Variants in PTAR1 observed in about 807,000 individuals in gnomAD.
PTAR1 encodes protein prenyltransferase alpha subunit repeat containing 1, also known as protein prenyltransferase alpha subunit repeat-containing protein 1.
A neutral mutation model predicts 45.5 loss-of-function variants in PTAR1; 17 were observed. The observed-to-expected ratio is 0.37, with a 90% CI of 0.26 to 0.56. PTAR1 has a LOEUF of 0.56. Among genes scored for constraint, PTAR1 ranks in the 20% least tolerant of loss-of-function variants. The probability of loss-of-function intolerance (pLI) is 0.77; values close to 1 mark genes in which losing one functional copy is unlikely to be tolerated. For synonymous variants in PTAR1, 169 were observed against 171.3 expected, an observed-to-expected ratio of 0.99 and a Z score of 0.11; for missense variants, 391 against 476.3, an observed-to-expected ratio of 0.82 and a Z score of 1.67.
intron 5 of PTAR1, among the ~76,000 whole-genome samples, chr9:69,724,343 A>G (rs1176418241): frequency 6.6e-6 from 1 of 152,234 alleles, no homozygotes; most frequent in Non-Finnish European, 1.5e-5. Flanking sequence ...AGAATTTCAA[A>G]TGAAATGATT....
At chr9:69,735,937 T>TATATATATATAATATATATATAAA (rs1234685049) in intron 3 of PTAR1, among the ~76,000 whole-genome samples, 2 of 139,728 alleles carry the variant, frequency 1.4e-5, no homozygotes, top group African/African-American at 6.1e-5. Context: ...AATTTGTCAT[T>TATATATATATAATATATATATAAA]ATATATATAT....
intron 1 of PTAR1, among the ~76,000 whole-genome samples, chr9:69,751,860 C>T (rs2134166438): frequency 6.6e-6 from 1 of 152,070 alleles, no homozygotes; most frequent in Admixed American, 6.6e-5. Flanking sequence ...TCCACCTCAA[C>T]TTAAGCTGAA....
At chr9:69,735,822 A>G (rs1263669397) in intron 3 of PTAR1, among the ~76,000 whole-genome samples, 1 of 151,942 alleles carries the variant, frequency 6.6e-6, no homozygotes, top group Non-Finnish European at 1.5e-5. Flanking sequence ...GACGGACTTA[A>G]TTCCTAAATA....
intron 1 of PTAR1, among the ~76,000 whole-genome samples, chr9:69,751,708 G>A (rs1826542730): frequency 6.6e-6 from 1 of 151,856 alleles, no homozygotes; most frequent in Admixed American, 6.6e-5. Flanking sequence ...ATCAAAAAAC[G>A]TTATTTTATC....
At chr9:69,721,322 G>A (rs544698679) in intron 6 of PTAR1, among the ~76,000 whole-genome samples, 38 of 152,264 alleles carry the variant, frequency 2.5e-4, no homozygotes, top group African/African-American at 7.5e-4. Context: ...GAAGTGGGGC[G>A]TGAAGATGTG....
At chr9:69,736,275 T>C (rs554195137) in intron 3 of PTAR1, among the ~76,000 whole-genome samples, 30 of 152,106 alleles carry the variant, frequency 2.0e-4, no homozygotes, top group South Asian at 2.1e-4. Context: ...ATGATGCCCA[T>C]TGGCTGGGCA....
intron 1 of PTAR1, among the ~76,000 whole-genome samples, chr9:69,759,275 C>T (rs1432601315): frequency 7.5e-6 from 1 of 133,794 alleles, no homozygotes; most frequent in Non-Finnish European, 1.6e-5. Flanking sequence ...CCCACAGAAG[C>T]TTCTCTTGAG....
chr9:69,757,175 A>C (rs970455265), intron 1 of PTAR1: 2 of 152,196 alleles, frequency 1.3e-5, no homozygotes, highest in African/African-American at 2.4e-5. Context: ...GGATAAGATT[A>C]ATTTTAACGT....
At chr9:69,739,682 C>T (rs1825954488) in intron 3 of PTAR1, among the ~76,000 whole-genome samples, 1 of 152,166 alleles carries the variant, frequency 6.6e-6, no homozygotes, top group Non-Finnish European at 1.5e-5. Flanking sequence ...GCAATAGAGA[C>T]CTTATAGGGT....
chr9:69,712,531 T>C lies in PTAR1; in HGVS notation c.*5811A>G, dbSNP rs935513204. ...TATATTTTTCCCAAAGCTAAGAATA[T>C]GGACAATGATGATATGATAGCTAAG... On this transcript the variant is annotated 3_prime_UTR_variant, in exon 8 of 8. Coordinates refer to ENST00000340434, the MANE Select transcript of PTAR1 (RefSeq NM_001099666.2). 6.6e-6 allele frequency: 1 copy of C among 152,192 alleles called. No homozygotes were observed. The highest frequency in any genetic ancestry group is 1.5e-5 in the Non-Finnish European group (1 of 68,008). 9.4% of individuals were successfully genotyped at this position (152,192 alleles called of 1,614,324 possible). A position where few individuals can be genotyped will look rare whatever the true frequency, so the allele number is the denominator to read the frequency against.
Position 69,710,240 on chromosome 9 carries a change from C to G in PTAR1, c.*8102G>C, listed in dbSNP as rs560850566. ...TGAGATGTGCTGTGAGTGCAAAATACACTCAAATCTAAGACTTAGTATGGA... is the reference window on the plus strand; with the variant it reads ...TGAGATGTGCTGTGAGTGCAAAATAGACTCAAATCTAAGACTTAGTATGGA... On this transcript the variant is annotated 3_prime_UTR_variant, in exon 8 of 8. Transcript: ENST00000340434. 1 of 152,130 alleles carries G rather than the reference C, an allele frequency of 6.6e-6. No individual in the cohort carries two copies. The highest frequency in any genetic ancestry group is 1.9e-4 in the East Asian group (1 of 5,176). The allele number at this position is 152,130 out of a possible 1,614,324, so 9.4% of individuals were successfully genotyped here.
In PTAR1 at chr9:69,719,394, T is replaced by C. The variant is rs148310116; in HGVS notation, c.948-710A>G. 8.4e-3 allele frequency among the ~76,000 whole-genome samples: 1,281 copies of C among 152,290 alleles called. 19 individuals carry two copies. Among genetic ancestry groups the C allele is most frequent in the African/African-American group, 0.029 (1,186 of 41,554 alleles). On this transcript the variant is annotated intron_variant, in intron 6 of 7. Coordinates refer to ENST00000340434, the MANE Select transcript of PTAR1 (RefSeq NM_001099666.2). ...GATTCCCGCGTCTAATCTCCAAAAA[T>C]TTCAATTCAGTGGGGGCACATCCAT...
chr9:69,727,834 T>C (rs1825358298), intron 5 of PTAR1, among the ~76,000 whole-genome samples: 1 of 152,148 alleles, frequency 6.6e-6, no homozygotes, highest in Admixed American at 6.5e-5. Flanking sequence ...CTAATGTACT[T>C]TAGAATCATT....
chr9:69,740,879 T>C lies in PTAR1; in HGVS notation c.323+913A>G, dbSNP rs188156203. Among the ~76,000 whole-genome samples the C allele has an allele frequency of 8.0e-4, 122 of 152,308 alleles. 3 individuals carry two copies. The East Asian group carries it at 0.018, about 23-fold the overall frequency. ...ACAAGTATAAATATATTTAATTCAA[T>C]ATATCCAAAATATAATAATTTCAGC... On this transcript the variant is annotated intron_variant, in intron 3 of 7. Transcript: ENST00000340434.
At position 69,750,896 on chromosome 9, in the gene PTAR1, T is replaced by A. The variant is rs774810811; in HGVS notation, c.141A>T (p.Ile47=). The part of the protein sequence containing the change: ...CPEARYNRSP[I]VLVENKLGVE... ...CACCCAGTTTGTTTTCAACCAGGAC[T>A]ATGGGACTCCGGTTATACCTAGCTT... is the stretch of plus-strand genomic sequence containing the variant. Residue 47 remains isoleucine (I), a synonymous_variant, in exon 2 of 8, where the codon ATA becomes ATT. Coordinates refer to ENST00000340434, the MANE Select transcript of PTAR1 (RefSeq NM_001099666.2). 9.9e-6 allele frequency: 16 copies of A among 1,609,762 alleles called. No individual in the cohort carries two copies. The East Asian group carries it at 3.6e-4, about 36-fold the overall frequency.
At chr9:69,724,285 A>T (rs1227797691) in intron 5 of PTAR1, among the ~76,000 whole-genome samples, 1 of 152,230 alleles carries the variant, frequency 6.6e-6, no homozygotes, top group East Asian at 1.9e-4. Flanking sequence ...CTGAAAATTC[A>T]GCAGCAAATT....
At chr9:69,740,101 T>C (rs1365226118) in intron 3 of PTAR1, among the ~76,000 whole-genome samples, 1 of 152,212 alleles carries the variant, frequency 6.6e-6, no homozygotes, top group East Asian at 1.9e-4. Context: ...GAAACAGGAC[T>C]AAGTTCCATG....
chr9:69,723,161 CGAT>C (rs1825108046), intron 6 of PTAR1, among the ~76,000 whole-genome samples, 162 bp downstream of exon 6: 1 of 151,544 alleles, frequency 6.6e-6, no homozygotes. Flanking sequence ...ATGATGATGA[CGAT>C]GATATGGTAA....
rs398010830 is a variant in PTAR1 at position 69,734,258 on chromosome 9, TAAAAA to T, written c.324-9_324-5del. ...GCCAGAGAGGATCAGCTCTTTCCTGTAAAAAAAAAAAAAAAAAAAAAAAAAAATTA... is the reference window on the plus strand; with the variant it reads ...GCCAGAGAGGATCAGCTCTTTCCTGTAAAAAAAAAAAAAAAAAAAAAATTA... On this transcript the variant is annotated splice_polypyrimidine_tract_variant and splice_region_variant and intron_variant, in intron 3 of 7. Transcript: ENST00000340434. 413 of 207,074 alleles carry T rather than the reference TAAAAA, an allele frequency of 2.0e-3. No individual in the cohort carries two copies. Among genetic ancestry groups the T allele is most frequent in the East Asian group, 2.8e-3 (44 of 15,456 alleles). 12.8% of individuals were successfully genotyped at this position (207,074 alleles called of 1,614,324 possible). A position where few individuals can be genotyped will look rare whatever the true frequency, so the allele number is the denominator to read the frequency against.
Sources: gnomAD v4.1 joint callset for allele counts (sites outside exome capture counted in the v4.1 genomes callset) on GRCh38, gnomAD v4.1.1 for gene constraint, MANE v1.5 for transcripts, NCBI Gene and HGNC (gene_info 2026-07-23, HGNC 2026-07-21) for gene names.